DCBLD2: variants seen among roughly 807,000 people sequenced by gnomAD.
The protein encoded by DCBLD2 is discoidin, CUB and LCCL domain containing 2.
A neutral mutation model predicts 86.8 loss-of-function variants in DCBLD2; 54 were observed. The ratio of observed to expected loss-of-function variants is 0.62; its 90% CI spans 0.50 to 0.78. The LOEUF (loss-of-function observed/expected upper bound fraction) is 0.78, where lower values mean the gene tolerates loss of function less well. Among genes scored for constraint, DCBLD2 ranks in the 30% least tolerant of loss-of-function variants. The pLI, the probability that DCBLD2 is intolerant of heterozygous loss-of-function variation, is 0.00. For synonymous variants in DCBLD2, 354 were observed against 341.3 expected, an observed-to-expected ratio of 1.04 and a Z score of -0.41; for missense variants, 908 against 954.2, an observed-to-expected ratio of 0.95 and a Z score of 0.64.
At chr3:98,876,486 T>C (rs1468393901) in intron 2 of DCBLD2, among the ~76,000 whole-genome samples, 1 of 132,990 alleles carries the variant, frequency 7.5e-6, no homozygotes, top group African/African-American at 2.9e-5. Context: ...TCACTCATAG[T>C]AAGAGAAATG....
chr3:98,816,388 T>C (rs1942024239), intron 9 of DCBLD2: 1 of 152,186 alleles, frequency 6.6e-6, no homozygotes, highest in African/African-American at 2.4e-5. Flanking sequence ...CCTGAACAAT[T>C]CTTAACATTC....
intron 2 of DCBLD2, among the ~76,000 whole-genome samples, chr3:98,861,346 G>A (rs1943040286): frequency 6.6e-6 from 1 of 152,090 alleles, no homozygotes; most frequent in Admixed American, 6.5e-5. Context: ...GGATATCCAG[G>A]AATTGAACTT....
intron 2 of DCBLD2, among the ~76,000 whole-genome samples, chr3:98,876,174 C>T (rs1324955948): frequency 6.6e-6 from 1 of 151,566 alleles, no homozygotes; most frequent in Non-Finnish European, 1.5e-5. Flanking sequence ...TGTTTATAGA[C>T]TAATATCCCT....
rs780131190 is a variant in DCBLD2 at position 98,825,363 on chromosome 3, A to G, written c.575T>C (p.Leu192Pro). ...GGATGCAGTGTCCAAACAAGTAATT[A>G]GATCTAGAAAAACAAAAATAAAAAA... Reference protein sequence around the residue: ...ASYSVIDKQDLITCLDTASNF... With the variant: ...ASYSVIDKQDPITCLDTASNF... Residue 192 changes from leucine (L) to proline (P), a missense_variant, in exon 4 of 16, where the codon CTA becomes CCA. Physicochemically the swap from Leu to Pro is moderately conservative, Grantham distance 98 (BLOSUM62 -3). Around this residue, in one of 3 missense-constraint regions of DCBLD2, gnomAD observed 294 missense variants for 256.0 expected, o/e 1.15. Coordinates refer to ENST00000326840, the MANE Select transcript of DCBLD2 (RefSeq NM_080927.4). 1.4e-5 allele frequency: 21 copies of G among 1,550,742 alleles called. No homozygotes were observed. In the East Asian group the frequency reaches 4.5e-4, roughly 33 times the overall value.
At position 98,822,086 on chromosome 3, in the gene DCBLD2, ATGT is replaced by A. The variant is rs545989224; in HGVS notation, c.830+139_830+141del. 8.9e-4 allele frequency: 901 copies of A among 1,012,572 alleles called. 5 individuals are homozygous for A. The African/African-American group carries it at 0.013, about 14-fold the overall frequency. 62.7% of individuals were successfully genotyped at this position (1,012,572 alleles called of 1,614,324 possible). ...AAAAAAACAGACACTGAGCACACTA[ATGT>A]GAGTGCTTACTGCCTAAATGTTCTT... On this transcript the variant is annotated intron_variant, in intron 6 of 15. Transcript: ENST00000326840.
chr3:98,899,197 T>A (rs1943803002), intron 1 of DCBLD2, among the ~76,000 whole-genome samples: 1 of 151,710 alleles, frequency 6.6e-6, no homozygotes, highest in Non-Finnish European at 1.5e-5. Context: ...TAAAAAAAAA[T>A]TATATTAAAC....
intron 9 of DCBLD2, 64 bp from the exon 10 acceptor site, chr3:98,812,546 C>A: frequency 6.9e-7 from 1 of 1,457,770 alleles, no homozygotes; most frequent in Non-Finnish European, 9.4e-7. Flanking sequence ...AATTTCTCCA[C>A]TTAAACATGT....
rs370011515 is a variant in DCBLD2 at position 98,801,689 on chromosome 3, T to C, written c.1671-40A>G. The stretch of plus-strand genomic sequence containing the variant: ...AAGAGAAGTTAGCAAACAGAGTAAA[T>C]TCACTGGTAAGCCTGCTCCCCCTAC... On this transcript the variant is annotated intron_variant, in intron 13 of 15. Transcript: ENST00000326840. 2,459 of 1,526,620 alleles carry C rather than the reference T, an allele frequency of 1.6e-3. 48 individuals carry two copies. The South Asian group carries it at 0.028, about 17-fold the overall frequency. The allele number at this position is 1,526,620 out of a possible 1,614,324, so 94.6% of individuals were successfully genotyped here.
intron 13 of DCBLD2, among the ~76,000 whole-genome samples, chr3:98,805,888 G>A (rs927907881): frequency 6.6e-6 from 1 of 152,116 alleles, no homozygotes; most frequent in Non-Finnish European, 1.5e-5. Context: ...TATTTATTAT[G>A]TGTTCAGAGC....
At chr3:98,875,610 C>T (rs1483675329) in intron 2 of DCBLD2, among the ~76,000 whole-genome samples, 1 of 152,094 alleles carries the variant, frequency 6.6e-6, no homozygotes, top group African/African-American at 2.4e-5. Flanking sequence ...TAAAAATGAA[C>T]GTTTCTGAAA....
chr3:98,825,643 T>TATATATATATA lies in DCBLD2; in HGVS notation c.572-278_572-277insTATATATATAT, dbSNP rs1942202476. ...TACACACATATATGTATATGTGTAT[T>TATATATATATA]TATATATATATATATATATATATAT... On this transcript the variant is annotated intron_variant, in intron 3 of 15. Coordinates refer to ENST00000326840, the MANE Select transcript of DCBLD2 (RefSeq NM_080927.4). Among the ~76,000 whole-genome samples, 122 of 115,078 alleles carry TATATATATATA rather than the reference T, an allele frequency of 1.1e-3. 3 individuals carry two copies. The highest frequency in any genetic ancestry group is 1.6e-3 in the Non-Finnish European group (88 of 55,920). 75.5% of individuals were successfully genotyped at this position (115,078 alleles called of 152,430 possible).
At chr3:98,886,863 C>A in intron 1 of DCBLD2, among the ~76,000 whole-genome samples, 1 of 128,684 alleles carries the variant, frequency 7.8e-6, no homozygotes. Flanking sequence ...GAAAATTAAA[C>A]GTATTTAAAT....
At position 98,811,262 on chromosome 3, in the gene DCBLD2, G is replaced by C; in HGVS notation, c.1508C>G (p.Ala503Gly). 6.2e-7 allele frequency: 1 copy of C among 1,612,992 alleles called. No individual in the cohort carries two copies. The highest frequency in any genetic ancestry group is 8.5e-7 in the Non-Finnish European group (1 of 1,179,488). The change falls in exon 12 of 16, where the codon GCA (alanine) becomes GGA (glycine). Residue 503 changes from alanine to glycine, a missense_variant. By Grantham distance (60) the Ala-to-Gly change is moderately conservative. Coordinates refer to ENST00000326840, the MANE Select transcript of DCBLD2 (RefSeq NM_080927.4). ...ACTGGCAGTTGTTTGTTCTGTCTGT[G>C]CAGGAAATTCATTGCTACTGCGAGG... ...LQPRSSNEFP[A>G]QTEQTTASPD...
At chr3:98,890,584 C>G (rs951122110) in intron 1 of DCBLD2, 1 of 152,104 alleles carries the variant, frequency 6.6e-6, no homozygotes, top group Admixed American at 6.6e-5. Flanking sequence ...CTGCCAAAAG[C>G]CAATGGAGAA....
intron 3 of DCBLD2, among the ~76,000 whole-genome samples, chr3:98,838,211 G>T (rs1488204263): frequency 3.3e-5 from 4 of 119,534 alleles, no homozygotes; most frequent in African/African-American, 9.2e-5. Flanking sequence ...CTTCCCAGAT[G>T]GGGTGGCTGC....
intron 2 of DCBLD2, among the ~76,000 whole-genome samples, chr3:98,881,291 C>G (rs1470605999): frequency 6.7e-6 from 1 of 149,438 alleles, no homozygotes; most frequent in Admixed American, 6.7e-5. Flanking sequence ...AGAGAATTAA[C>G]TTCCTCCTTC....
intron 1 of DCBLD2, among the ~76,000 whole-genome samples, chr3:98,889,889 T>C (rs1397601420): frequency 6.6e-6 from 1 of 151,984 alleles, no homozygotes; most frequent in East Asian, 1.9e-4. Flanking sequence ...ATCTGCAGTT[T>C]TACAAGCTTT....
chr3:98,889,098 T>C (rs1418414666), intron 1 of DCBLD2, among the ~76,000 whole-genome samples: 5 of 152,010 alleles, frequency 3.3e-5, no homozygotes, highest in African/African-American at 1.2e-4. Context: ...CTCTTTCTGA[T>C]ATCTTCGCTT....
At chr3:98,803,754 AG>A (rs1347641347) in intron 13 of DCBLD2, among the ~76,000 whole-genome samples, 2 of 152,174 alleles carry the variant, frequency 1.3e-5, no homozygotes, top group African/African-American at 2.4e-5. Flanking sequence ...TTTAGCATGA[AG>A]GGTTGTTGAA....
Sources: allele counts gnomAD v4.1 joint callset (sites outside exome capture counted in the v4.1 genomes callset), GRCh38; gene constraint gnomAD v4.1.1; regional missense constraint gnomAD v4.1.1; transcripts MANE v1.5; gene names NCBI Gene and HGNC (gene_info 2026-07-23, HGNC 2026-07-21).